The following TBC1D4 variants were observed in gnomAD, a reference collection of about 807,000 sequenced individuals.
TBC1D4 encodes TBC1 domain family member 4.
Under a neutral mutation model 142.5 loss-of-function variants are expected in TBC1D4, and 121 were observed. The observed-to-expected ratio is 0.85, with a 90% CI of 0.73 to 0.99. The LOEUF is 0.99. TBC1D4 is among the 50% of genes least tolerant of loss of function. TBC1D4 has a pLI of 0.00. For synonymous variants in TBC1D4, 630 were observed against 628.2 expected (o/e 1.00, Z -0.04); for missense variants, 1,475 against 1,606.6 (o/e 0.92, Z 1.40).
At chr13:75,457,557 C>A (rs964041542) in intron 1 of TBC1D4, among the ~76,000 whole-genome samples, 1 of 152,152 alleles carries the variant, frequency 6.6e-6, no homozygotes, top group African/African-American at 2.4e-5. Context: ...TCCTTTGTAA[C>A]CTCTCAAAGT....
intron 5 of TBC1D4, among the ~76,000 whole-genome samples, chr13:75,343,025 C>T (rs769820044): frequency 1.5e-4 from 23 of 151,630 alleles, no homozygotes; most frequent in African/African-American, 4.8e-4. Flanking sequence ...AGTAATTGGC[C>T]GAAAATACTT....
chr13:75,480,867 G>GCGCACGCACA (rs1381121083), intron 1 of TBC1D4, among the ~76,000 whole-genome samples: 5 of 114,556 alleles, frequency 4.4e-5, no homozygotes, highest in African/African-American at 1.3e-4. Flanking sequence ...GCGCTCGCGC[G>GCGCACGCACA]CACACGCACG....
chr13:75,319,445 C>T (rs1878571456), intron 12 of TBC1D4, among the ~76,000 whole-genome samples: 1 of 152,176 alleles, frequency 6.6e-6, no homozygotes, highest in African/African-American at 2.4e-5. Flanking sequence ...GAGATGTCAA[C>T]ACAGATGTGG....
intron 1 of TBC1D4, among the ~76,000 whole-genome samples, chr13:75,476,751 CA>C (rs1400905776): frequency 6.6e-6 from 1 of 152,112 alleles, no homozygotes; most frequent in Non-Finnish European, 1.5e-5. Flanking sequence ...CCAAATGAAC[CA>C]AATAACTTAG....
intron 12 of TBC1D4, among the ~76,000 whole-genome samples, chr13:75,314,053 TTTCCTAA>T (rs1232689014): frequency 6.6e-6 from 1 of 152,192 alleles, no homozygotes; most frequent in Non-Finnish European, 1.5e-5. Context: ...CAAAATTTCA[TTTCCTAA>T]AAAAGACCAC....
At chr13:75,441,057 C>A (rs1054607689) in intron 1 of TBC1D4, among the ~76,000 whole-genome samples, 1 of 152,006 alleles carries the variant, frequency 6.6e-6, no homozygotes, top group African/African-American at 2.4e-5. Context: ...GAGTTTGAGA[C>A]CAGCCTGGCC....
intron 1 of TBC1D4, chr13:75,366,839 C>T (rs911747918): frequency 1.6e-6 from 1 of 608,982 alleles, no homozygotes; most frequent in African/African-American, 2.0e-5. Flanking sequence ...CTACAACTAC[C>T]AAACACTGAT....
rs1033750665 is a variant in TBC1D4 at position 75,436,784 on chromosome 13, T to C, written c.498+44486A>G. Among the ~76,000 whole-genome samples, 10 of 152,316 alleles carry C rather than the reference T, an allele frequency of 6.6e-5. No homozygotes were observed. In the East Asian group the frequency reaches 1.9e-3, roughly 29 times the overall value. ...CATCTCCCCCACAGAATCCTTATTA[T>C]TAATTGACAAGTAAAAAAATTTTAT... On this transcript the variant is annotated intron_variant, in intron 1 of 20. Coordinates refer to ENST00000377636, the MANE Select transcript of TBC1D4 (RefSeq NM_014832.5).
At chr13:75,307,906 A>G (rs1877344384) in intron 14 of TBC1D4, among the ~76,000 whole-genome samples, 1 of 152,222 alleles carries the variant, frequency 6.6e-6, no homozygotes, top group African/African-American at 2.4e-5. Context: ...AAGGCTAAAA[A>G]CAAATATACT....
Position 75,305,117 on chromosome 13 carries a change from T to G in TBC1D4, c.2752+1196A>C, listed in dbSNP as rs184234259. 3.2e-3 allele frequency among the ~76,000 whole-genome samples: 495 copies of G among 152,310 alleles called. 6 individuals are homozygous for G. The highest frequency in any genetic ancestry group is 0.01 in the African/African-American group (434 of 41,562). ...AAGTCTCATGAAATCTGATGGCTTG[T>G]TAAGGAGAAACCCCTTTCACTTGGT... is the stretch of plus-strand genomic sequence containing the variant. On this transcript the variant is annotated intron_variant, in intron 15 of 20. Coordinates refer to ENST00000377636, the MANE Select transcript of TBC1D4 (RefSeq NM_014832.5).
intron 1 of TBC1D4, among the ~76,000 whole-genome samples, chr13:75,463,434 C>T (rs1271223645): frequency 6.6e-6 from 1 of 152,124 alleles, no homozygotes; most frequent in African/African-American, 2.4e-5. Flanking sequence ...TCCCAATGGC[C>T]CATTTTTAAA....
chr13:75,394,661 G>A (rs1384765965), intron 1 of TBC1D4, among the ~76,000 whole-genome samples: 7 of 152,106 alleles, frequency 4.6e-5, no homozygotes, highest in East Asian at 3.8e-4. Flanking sequence ...CTAGATTTGC[G>A]AATCTTTAAA....
In TBC1D4 at chr13:75,400,663, T is replaced by C. The variant is rs549870497; in HGVS notation, c.499-38056A>G. Reference sequence around the variant, plus strand: ...TTTTTTTTTAGTAGAGACAGGGGTTTCACCGTGTTAGCCAGGATGGGCTCG... The same window carrying C: ...TTTTTTTTTAGTAGAGACAGGGGTTCCACCGTGTTAGCCAGGATGGGCTCG... On this transcript the variant is annotated intron_variant, in intron 1 of 20. Coordinates refer to ENST00000377636, the MANE Select transcript of TBC1D4 (RefSeq NM_014832.5). Among the ~76,000 whole-genome samples the C allele has an allele frequency of 5.3e-5, 8 of 150,520 alleles. No homozygotes were observed. In the South Asian group the frequency reaches 1.7e-3, roughly 32 times the overall value.
At position 75,329,265 on chromosome 13, in the gene TBC1D4, C is replaced by T. The variant is rs140633827; in HGVS notation, c.1732-1439G>A. Among the ~76,000 whole-genome samples the T allele has an allele frequency of 2.9e-3, 443 of 152,180 alleles. 11 individuals carry two copies. In the South Asian group the frequency reaches 0.056, roughly 19 times the overall value. On this transcript the variant is annotated intron_variant, in intron 8 of 20. Transcript: ENST00000377636. ...TTACTATGATTATGTCTGCTTACAC[C>T]TCATATCTTATATATTTTGTTTTTC...
At chr13:75,405,554 G>A (rs1440866194) in intron 1 of TBC1D4, among the ~76,000 whole-genome samples, 2 of 152,202 alleles carry the variant, frequency 1.3e-5, no homozygotes, top group Non-Finnish European at 2.9e-5. Flanking sequence ...TTACAGGCGT[G>A]AGCCACTGCG....
At chr13:75,481,227 C>A in intron 1 of TBC1D4, 43 bp downstream of exon 1, 1 of 1,587,862 alleles carries the variant, frequency 6.3e-7, no homozygotes, top group Non-Finnish European at 8.6e-7. Context: ...CCCCGATCCC[C>A]CAAGGCCGAG....
At position 75,294,964 on chromosome 13, in the gene TBC1D4, A is replaced by AGATCTCTGT. The variant is rs1875746890; in HGVS notation, c.3197_3205dup (p.His1066_Asp1068dup). On this transcript the variant is annotated inframe_insertion, in exon 18 of 21. Transcript: ENST00000377636. ...TTCATTTTCTTCAAGGTGATTGTAG[A>AGATCTCTGT]GATCTCTGTGATAGTCATGAAGGAG... 1.2e-6 allele frequency: 2 copies of AGATCTCTGT among 1,613,858 alleles called. No homozygotes were observed. The highest frequency in any genetic ancestry group is 1.7e-6 in the Non-Finnish European group (2 of 1,179,884).
At chr13:75,437,651 G>A (rs571388531) in intron 1 of TBC1D4, among the ~76,000 whole-genome samples, 2 of 150,912 alleles carry the variant, frequency 1.3e-5, no homozygotes, top group Admixed American at 6.6e-5. Context: ...ACAATACACC[G>A]ATATACAGTT....
At chr13:75,367,898 T>C (rs1883012777) in intron 1 of TBC1D4, among the ~76,000 whole-genome samples, 1 of 152,178 alleles carries the variant, frequency 6.6e-6, no homozygotes, top group Admixed American at 6.5e-5. Flanking sequence ...TGGGAAGATA[T>C]ATAGATGCCA....
Sources: gnomAD v4.1 joint callset for allele counts (sites outside exome capture counted in the v4.1 genomes callset) on GRCh38, gnomAD v4.1.1 for gene constraint, MANE v1.5 for transcripts, NCBI Gene and HGNC (gene_info 2026-07-23, HGNC 2026-07-21) for gene names.